ZNF385B: variants seen among roughly 807,000 people sequenced by gnomAD.
The protein encoded by ZNF385B is zinc finger protein 385B.
In ZNF385B, 23 loss-of-function variants were observed where a neutral mutation model predicts 39.2. That is an observed-to-expected ratio of 0.59 (90% CI 0.42 to 0.83). ZNF385B has a LOEUF of 0.83. Ranked by LOEUF, ZNF385B falls within the 40% of genes least tolerant of loss-of-function variation. The pLI is 0.00. For synonymous variants in ZNF385B, 205 were observed against 222.6 expected, an observed-to-expected ratio of 0.92 and a Z score of 0.70; for missense variants, 552 against 598.9, an observed-to-expected ratio of 0.92 and a Z score of 0.82.
chr2:179,684,619 T>C (rs572253189), intron 3 of ZNF385B, among the ~76,000 whole-genome samples: 33 of 152,354 alleles, frequency 2.2e-4, no homozygotes, highest in African/African-American at 7.7e-4. Flanking sequence ...AAAATCATTA[T>C]TGTGCAAATG....
At chr2:179,859,164 C>T (rs1359529529) in intron 1 of ZNF385B, among the ~76,000 whole-genome samples, 1 of 152,178 alleles carries the variant, frequency 6.6e-6, no homozygotes, top group African/African-American at 2.4e-5. Context: ...TATCTTCCAG[C>T]TGCTGACAGG....
intron 3 of ZNF385B, among the ~76,000 whole-genome samples, chr2:179,686,770 A>T (rs1697954276): frequency 7.2e-5 from 11 of 152,180 alleles, no homozygotes; most frequent in Admixed American, 7.2e-4. Context: ...AACACTAAAA[A>T]TTATCTTAAT....
intron 5 of ZNF385B, among the ~76,000 whole-genome samples, chr2:179,500,310 A>G (rs538781197): frequency 1.3e-5 from 2 of 152,122 alleles, no homozygotes; most frequent in African/African-American, 4.8e-5. Context: ...CACCAAAGCT[A>G]TCCTACACCA....
intron 1 of ZNF385B, among the ~76,000 whole-genome samples, chr2:179,801,682 T>C (rs542079721): frequency 2.2e-4 from 34 of 152,200 alleles, no homozygotes; most frequent in African/African-American, 7.2e-4. Flanking sequence ...AAATAAAAAA[T>C]GAAATGGAAC....
chr2:179,667,694 G>C (rs1267851103), intron 3 of ZNF385B, among the ~76,000 whole-genome samples: 1 of 152,178 alleles, frequency 6.6e-6, no homozygotes, highest in Non-Finnish European at 1.5e-5. Flanking sequence ...CAGCTTCATT[G>C]GCAGCTATGT....
intron 3 of ZNF385B, chr2:179,562,319 T>C (rs1684005104): frequency 1.0e-5 from 9 of 895,480 alleles, no homozygotes; most frequent in Non-Finnish European, 1.2e-5. Flanking sequence ...GAAATTCATT[T>C]GACCTGTTTT....
At chr2:179,729,602 T>C (rs1376063444) in intron 3 of ZNF385B, among the ~76,000 whole-genome samples, 2 of 152,220 alleles carry the variant, frequency 1.3e-5, no homozygotes, top group East Asian at 3.8e-4. Flanking sequence ...ACCAATTTTG[T>C]AAATATTCCA....
chr2:179,542,853 G>A (rs1018799781), intron 4 of ZNF385B, among the ~76,000 whole-genome samples: 4 of 152,106 alleles, frequency 2.6e-5, no homozygotes, highest in Admixed American at 6.6e-5. Flanking sequence ...ACCACCTTCC[G>A]CTAGTGAAGG....
intron 3 of ZNF385B, among the ~76,000 whole-genome samples, chr2:179,739,881 G>A (rs769656957): frequency 1.3e-5 from 2 of 151,992 alleles, no homozygotes; most frequent in Non-Finnish European, 2.9e-5. Context: ...GGTATTCATT[G>A]CTTACCTTAC....
intron 1 of ZNF385B, among the ~76,000 whole-genome samples, chr2:179,804,845 T>G (rs1706251503): frequency 6.6e-6 from 1 of 152,220 alleles, no homozygotes; most frequent in Non-Finnish European, 1.5e-5. Context: ...ACCCACTGCC[T>G]GGATCTTCTT....
At chr2:179,758,566 A>C (rs1360290691) in intron 3 of ZNF385B, among the ~76,000 whole-genome samples, 2 of 152,222 alleles carry the variant, frequency 1.3e-5, no homozygotes, top group Non-Finnish European at 1.5e-5. Flanking sequence ...TGAATTTTAG[A>C]GAGACACAAA....
At chr2:179,727,597 C>T (rs1446409153) in intron 3 of ZNF385B, among the ~76,000 whole-genome samples, 2 of 151,972 alleles carry the variant, frequency 1.3e-5, no homozygotes, top group African/African-American at 4.8e-5. Context: ...AGCCATTCTG[C>T]TTAGATATAT....
At chr2:179,642,299 T>C (rs533894978) in intron 3 of ZNF385B, among the ~76,000 whole-genome samples, 3 of 152,146 alleles carry the variant, frequency 2.0e-5, no homozygotes, top group Non-Finnish European at 4.4e-5. Context: ...ATAAGACACA[T>C]CAGCTTCCCT....
chr2:179,835,515 G>A (rs1032682854), intron 1 of ZNF385B, among the ~76,000 whole-genome samples: 1 of 152,094 alleles, frequency 6.6e-6, no homozygotes, highest in Non-Finnish European at 1.5e-5. Flanking sequence ...TGGTGGGGGG[G>A]CCAGGAAAAC....
chr2:179,611,309 A>C (rs967579988), intron 3 of ZNF385B, among the ~76,000 whole-genome samples: 4 of 152,090 alleles, frequency 2.6e-5, no homozygotes, highest in Admixed American at 6.5e-5. Flanking sequence ...CATATGGTTT[A>C]TGGTTTTTGT....
intron 6 of ZNF385B, among the ~76,000 whole-genome samples, chr2:179,459,985 T>C (rs2051140385): frequency 6.6e-6 from 1 of 151,916 alleles, no homozygotes; most frequent in African/African-American, 2.4e-5. Context: ...GTGCCTGTAA[T>C]CCCAGCTACT....
At chr2:179,446,888 A>G (rs993606255) in intron 6 of ZNF385B, 118 bp from the exon 7 acceptor site, 103 of 1,329,196 alleles carry the variant, frequency 7.7e-5, no homozygotes, top group Non-Finnish European at 1.0e-4. Context: ...TTATTGCAGC[A>G]TAGATTTCAG....
At chr2:179,500,836 T>C (rs2056688603) in intron 5 of ZNF385B, among the ~76,000 whole-genome samples, 1 of 152,180 alleles carries the variant, frequency 6.6e-6, no homozygotes. Flanking sequence ...ATCTGCAAAC[T>C]ACCTATCTGA....
intron 3 of ZNF385B, chr2:179,583,962 C>T: frequency 4.6e-6 from 6 of 1,303,454 alleles, no homozygotes; most frequent in Non-Finnish European, 6.1e-6. Flanking sequence ...TCAGTTCATA[C>T]ATTCATATTT....
Sources: gnomAD v4.1 joint callset for allele counts (sites outside exome capture counted in the v4.1 genomes callset) on GRCh38, gnomAD v4.1.1 for gene constraint, MANE v1.5 for transcripts, NCBI Gene and HGNC (gene_info 2026-07-23, HGNC 2026-07-21) for gene names.